SGCD: variants seen among roughly 807,000 people sequenced by gnomAD.
SGCD encodes delta-sarcoglycan.
In SGCD, 18 loss-of-function variants were observed where a neutral mutation model predicts 36.6. The ratio of observed to expected loss-of-function variants is 0.49; its 90% CI spans 0.34 to 0.73. SGCD has a LOEUF of 0.73. Ranked by LOEUF, SGCD falls within the 30% of genes least tolerant of loss-of-function variation. SGCD has a pLI of 0.01. For missense variants in SGCD, 387 were observed against 346.7 expected, an observed-to-expected ratio of 1.12 and a Z score of -0.92; for synonymous variants, 133 against 130.6, an observed-to-expected ratio of 1.02 and a Z score of -0.12.
At chr5:156,161,486 G>C (rs1399045751) in intron 3 of SGCD, among the ~76,000 whole-genome samples, 1 of 151,858 alleles carries the variant, frequency 6.6e-6, no homozygotes, top group Admixed American at 6.5e-5. Context: ...AATCCCAAGG[G>C]CATCGTCTGT....
the SGCD span, among the ~76,000 whole-genome samples, chr5:155,806,782 T>C: frequency 1.3e-5 from 2 of 152,168 alleles, no homozygotes; most frequent in African/African-American, 4.8e-5. Flanking sequence ...AATCCTGTGT[T>C]TTTTAGGCCA....
intron 6 of SGCD, among the ~76,000 whole-genome samples, chr5:156,634,470 A>G (rs998638003): frequency 2.0e-4 from 30 of 152,294 alleles, no homozygotes; most frequent in African/African-American, 6.3e-4. Flanking sequence ...AACAACAACA[A>G]CAACAACAAC....
chr5:156,061,906 C>G (rs62380699), intron 1 of SGCD, among the ~76,000 whole-genome samples: 1 of 134,078 alleles, frequency 7.5e-6, no homozygotes, highest in Admixed American at 7.6e-5. Flanking sequence ...GGTGATAATT[C>G]CAGGAGTTTT....
intron 3 of SGCD, chr5:156,393,744 G>C: frequency 2.2e-6 from 1 of 456,292 alleles, no homozygotes; most frequent in Non-Finnish European, 4.4e-6. Flanking sequence ...TGCAATGTTT[G>C]ACATCTAGAG....
intron 1 of SGCD, among the ~76,000 whole-genome samples, chr5:155,957,787 C>T (rs900696670): frequency 1.3e-5 from 2 of 152,132 alleles, no homozygotes; most frequent in African/African-American, 4.8e-5. Flanking sequence ...CTTAGTTCTC[C>T]TTTGCTATGC....
chr5:156,070,585 A>C (rs903861496), intron 1 of SGCD, among the ~76,000 whole-genome samples: 4 of 151,952 alleles, frequency 2.6e-5, no homozygotes, highest in Non-Finnish European at 5.9e-5. Flanking sequence ...TATTGGTCTA[A>C]AATTCTCTTT....
At chr5:156,678,054 T>C (rs1316829642) in intron 7 of SGCD, among the ~76,000 whole-genome samples, 1 of 152,198 alleles carries the variant, frequency 6.6e-6, no homozygotes, top group Non-Finnish European at 1.5e-5. Context: ...TTAAAAATAA[T>C]CCTGATTCCT....
intron 6 of SGCD, among the ~76,000 whole-genome samples, chr5:156,620,403 G>T (rs538250963): frequency 1.3e-5 from 2 of 152,350 alleles, no homozygotes; most frequent in Non-Finnish European, 2.9e-5. Flanking sequence ...TTATATTCTT[G>T]TACGGGTATC....
At chr5:156,607,560 T>C (rs1000508039) in intron 6 of SGCD, among the ~76,000 whole-genome samples, 1 of 152,254 alleles carries the variant, frequency 6.6e-6, no homozygotes, top group Admixed American at 6.5e-5. Flanking sequence ...GCTGGACTCA[T>C]CAAATGAGTT....
intron 1 of SGCD, among the ~76,000 whole-genome samples, chr5:156,021,667 G>A (rs1254902007): frequency 2.0e-5 from 3 of 152,134 alleles, no homozygotes; most frequent in African/African-American, 7.2e-5. Context: ...CTTGGGCCTC[G>A]GCAACCTGTG....
At chr5:156,508,522 A>G in intron 3 of SGCD, 79 bp from the exon 4 acceptor site, 1 of 796,000 alleles carries the variant, frequency 1.3e-6, no homozygotes, top group Non-Finnish European at 2.1e-6. Flanking sequence ...AAAGGCTATA[A>G]CTACGTTTTT....
chr5:155,858,579 A>C, the SGCD span, among the ~76,000 whole-genome samples: 1 of 152,216 alleles, frequency 6.6e-6, no homozygotes, highest in Non-Finnish European at 1.5e-5. Context: ...TCAGCAAATC[A>C]ACTTTTTTTC....
intron 2 of SGCD, among the ~76,000 whole-genome samples, chr5:156,333,282 A>G (rs1768157444): frequency 6.6e-6 from 1 of 152,216 alleles, no homozygotes; most frequent in African/African-American, 2.4e-5. Context: ...ATGATGCTGT[A>G]AAAATTTATA....
chr5:155,939,523 A>G lies in SGCD; in HGVS notation c.-282+69099A>G, dbSNP rs138778784. Among the ~76,000 whole-genome samples the G allele has an allele frequency of 3.7e-3, 563 of 151,810 alleles. 4 individuals carry two copies. Among genetic ancestry groups the G allele is most frequent in the African/African-American group, 0.013 (545 of 41,410 alleles). Reference sequence around the variant, plus strand: ...GCCAGGTGTGGTGACATGTGCCTGTAGTCCCAGCTACCCAGGAAGGCTGAG... The same window carrying G: ...GCCAGGTGTGGTGACATGTGCCTGTGGTCCCAGCTACCCAGGAAGGCTGAG... On this transcript the variant is annotated intron_variant, in intron 1 of 9. Coordinates refer to the SGCD transcript ENST00000517913.
At chr5:156,457,404 G>C (rs1754308228) in intron 3 of SGCD, among the ~76,000 whole-genome samples, 1 of 152,100 alleles carries the variant, frequency 6.6e-6, no homozygotes, top group South Asian at 2.1e-4. Flanking sequence ...ACTTCCAAAA[G>C]TTAAATGCTT....
At chr5:155,773,708 G>A in the SGCD span, among the ~76,000 whole-genome samples, 1 of 152,134 alleles carries the variant, frequency 6.6e-6, no homozygotes, top group South Asian at 2.1e-4. Context: ...ATGTCTAGGG[G>A]TAAGTCAAAT....
At chr5:156,315,594 A>G (rs991633279) in intron 3 of SGCD, among the ~76,000 whole-genome samples, 2 of 151,978 alleles carry the variant, frequency 1.3e-5, no homozygotes, top group Non-Finnish European at 2.9e-5. Flanking sequence ...TTATTGGATC[A>G]TATGATAGTT....
chr5:155,879,874 G>T (rs1755845646), intron 1 of SGCD, among the ~76,000 whole-genome samples: 1 of 152,136 alleles, frequency 6.6e-6, no homozygotes, highest in Admixed American at 6.5e-5. Context: ...TGTAGGCATG[G>T]TGTAGTTTGA....
intron 3 of SGCD, among the ~76,000 whole-genome samples, chr5:156,401,646 T>G (rs10043022): frequency 0.043 from 6,497 of 152,260 alleles, 485 homozygotes; most frequent in African/African-American, 0.15. Flanking sequence ...TGCCAGGCAC[T>G]GTGCAAGGTA....
Sources: gnomAD v4.1 joint callset for allele counts (sites outside exome capture counted in the v4.1 genomes callset) on GRCh38, gnomAD v4.1.1 for gene constraint, MANE v1.5 for transcripts, NCBI Gene and HGNC (gene_info 2026-07-23, HGNC 2026-07-21) for gene names.